The following BSDC1 variants were observed in gnomAD, a reference collection of about 807,000 sequenced individuals.
BSDC1 encodes the protein BSD domain-containing protein 1.
In BSDC1, 29 loss-of-function variants were observed where a neutral mutation model predicts 56.0. That is an observed-to-expected ratio of 0.52 (90% CI 0.39 to 0.71). BSDC1 has a LOEUF of 0.71. Ranked by LOEUF, BSDC1 falls within the 30% of genes least tolerant of loss-of-function variation. The pLI is 0.00. For synonymous variants in BSDC1, 210 were observed against 215.3 expected (o/e 0.98, Z 0.21); for missense variants, 477 against 548.5 (o/e 0.87, Z 1.30).
At chr1:32,373,033 A>T (rs1642148915) in intron 9 of BSDC1, among the ~76,000 whole-genome samples, 1 of 152,212 alleles carries the variant, frequency 6.6e-6, no homozygotes, top group African/African-American at 2.4e-5. Flanking sequence ...GAACCAGTAA[A>T]ACCCTTTGGC....
At position 32,376,482 on chromosome 1, in the gene BSDC1, T is replaced by C; in HGVS notation, c.936A>G (p.Ala312=). The change falls in exon 9 of 11, where the codon GCA becomes GCG. Residue 312 remains alanine, a synonymous_variant. Transcript: ENST00000455895. ...PKDLSQKLLE[A]SLEEQGLAVD... is the part of the protein sequence containing the mutation. The stretch of plus-strand genomic sequence containing the variant: ...CAGCCAGGCCCTGTTCCTCCAAGGA[T>C]GCCTCTAGCAGCTTTTGGGACAGGT... 1.2e-6 allele frequency: 2 copies of C among 1,612,228 alleles called. No homozygotes were observed. The highest frequency in any genetic ancestry group is 1.7e-6 in the Non-Finnish European group (2 of 1,178,606).
intron 4 of BSDC1, 23 bp from the exon 5 acceptor site, chr1:32,381,291 A>G: frequency 6.2e-7 from 1 of 1,612,086 alleles, no homozygotes; most frequent in Non-Finnish European, 8.5e-7. Context: ...GAGAAGAGGA[A>G]AACAGAAATT....
chr1:32,374,706 C>A (rs145375722), intron 9 of BSDC1: 1 of 152,372 alleles, frequency 6.6e-6, no homozygotes, highest in Non-Finnish European at 1.5e-5. Flanking sequence ...CTCTCCTATA[C>A]GAGGCTTGTC....
At chr1:32,393,272 A>G (rs1642927809) in intron 2 of BSDC1, among the ~76,000 whole-genome samples, 2 of 152,206 alleles carry the variant, frequency 1.3e-5, no homozygotes, top group South Asian at 4.1e-4. Context: ...GCACAGCCAA[A>G]TATCACTCAT....
chr1:32,377,910 C>A, intron 8 of BSDC1, 60 bp downstream of exon 8: 1 of 1,524,962 alleles, frequency 6.6e-7, no homozygotes, highest in Non-Finnish European at 8.9e-7. Flanking sequence ...AGAGCATGGC[C>A]CAGCCCAGAG....
intron 4 of BSDC1, 105 bp from the exon 5 acceptor site, chr1:32,381,373 T>C (rs1642473466): frequency 1.3e-5 from 15 of 1,160,558 alleles, no homozygotes; most frequent in Non-Finnish European, 1.9e-5. Flanking sequence ...AGCTTCTCCC[T>C]TGTTGGCTGG....
chr1:32,392,209 G>A (rs1642889287), intron 2 of BSDC1, among the ~76,000 whole-genome samples: 1 of 152,158 alleles, frequency 6.6e-6, no homozygotes, highest in Admixed American at 6.5e-5. Flanking sequence ...GCACATGCCT[G>A]TAATCCCAGC....
chr1:32,366,363 TGAG>T lies in BSDC1; in HGVS notation c.*256_*258del, dbSNP rs998961629. ...AGCAGAAAAACACAGGCTCTTCTGG[TGAG>T]GAGGATAGGTTTCCTCTCCCTTGGG... On this transcript the variant is annotated 3_prime_UTR_variant, in exon 11 of 11. Coordinates refer to ENST00000455895, the MANE Select transcript of BSDC1 (RefSeq NM_018045.8). The T allele has an allele frequency of 1.0e-5, 7 of 676,412 alleles. No homozygotes were observed. The highest frequency in any genetic ancestry group is 2.4e-4 in the Middle Eastern group (1 of 4,248). 41.9% of individuals were successfully genotyped at this position (676,412 alleles called of 1,614,324 possible).
In BSDC1 at chr1:32,378,693, C is replaced by T; in HGVS notation, c.528+31G>A. 4 of 1,384,270 alleles carry T rather than the reference C, an allele frequency of 2.9e-6. No individual in the cohort carries two copies. The highest frequency in any genetic ancestry group is 3.8e-6 in the Non-Finnish European group (4 of 1,041,632). The allele number at this position is 1,384,270 out of a possible 1,614,324, so 85.7% of individuals were successfully genotyped here. ...ACCTCCCAACACCTCAAGCCTGGAGCTGGCTGAGGCCCTGCAGGCTGGGCC... is the reference window on the plus strand; with the variant it reads ...ACCTCCCAACACCTCAAGCCTGGAGTTGGCTGAGGCCCTGCAGGCTGGGCC... On this transcript the variant is annotated intron_variant, in intron 6 of 10. Transcript: ENST00000455895. This position sits in a 1 kb window ranked among gnomAD's most constrained non-coding sequence, Gnocchi z 5.2.
Position 32,365,213 on chromosome 1 carries a change from ATCTTTTTT to A in BSDC1, c.*1401_*1408del, listed in dbSNP as rs1377846376. 2 of 152,340 alleles carry A rather than the reference ATCTTTTTT, an allele frequency of 1.3e-5. No homozygotes were observed. The highest frequency in any genetic ancestry group is 4.8e-5 in the African/African-American group (2 of 41,580). The allele number at this position is 152,340 out of a possible 1,614,324, so 9.4% of individuals were successfully genotyped here. ...AATTATAAAACTAACAGCTGTTAGA[ATCTTTTTT>A]TCTTTTTTTCCTTTTTTCTTTTCCC... On this transcript the variant is annotated 3_prime_UTR_variant, in exon 11 of 11. Transcript: ENST00000455895.
intron 2 of BSDC1, among the ~76,000 whole-genome samples, chr1:32,389,178 T>C (rs1642780404): frequency 6.6e-6 from 1 of 152,046 alleles, no homozygotes; most frequent in African/African-American, 2.4e-5. Context: ...ATGGTCTCGA[T>C]CTCCTGACCT....
At chr1:32,373,821 C>T (rs140035151) in intron 9 of BSDC1, among the ~76,000 whole-genome samples, 3 of 152,316 alleles carry the variant, frequency 2.0e-5, no homozygotes, top group African/African-American at 7.2e-5. Flanking sequence ...CTGTGCCCAG[C>T]GGACTTTCTT....
At position 32,386,866 on chromosome 1, in the gene BSDC1, C is replaced by T; in HGVS notation, c.102G>A (p.Arg34=). 6.2e-7 allele frequency: 1 copy of T among 1,612,256 alleles called. No homozygotes were observed. Among genetic ancestry groups the T allele is most frequent in the Non-Finnish European group, 8.5e-7 (1 of 1,180,014 alleles). The change falls in exon 3 of 11, where the codon CGG becomes CGA. Residue 34 remains arginine (R), a synonymous_variant. Transcript: ENST00000455895. ...KSSEALEFMK[R]DLTEFTQVVQ... ...CCACCTGGGTAAACTCCGTCAGGTCCCGCTTCATAAACTCCAAGGCTTCAG... is the reference window on the plus strand; with the variant it reads ...CCACCTGGGTAAACTCCGTCAGGTCTCGCTTCATAAACTCCAAGGCTTCAG...
chr1:32,380,551 A>C (rs60901540), intron 5 of BSDC1, among the ~76,000 whole-genome samples: 12,411 of 152,016 alleles, frequency 0.082, 1,651 homozygotes, highest in African/African-American at 0.28. Flanking sequence ...GAGGCTGAGG[A>C]AAGAGAATTG....
At chr1:32,393,512 C>G (rs373091273) in intron 2 of BSDC1, 1 of 153,268 alleles carries the variant, frequency 6.5e-6, no homozygotes, top group African/African-American at 2.4e-5. Flanking sequence ...CTAACCAGAA[C>G]AGACAAGGTG....
intron 5 of BSDC1, 105 bp downstream of exon 5, chr1:32,381,109 A>G: frequency 2.8e-6 from 3 of 1,076,350 alleles, no homozygotes; most frequent in Non-Finnish European, 4.2e-6. Context: ...GTCTCCCTAC[A>G]TAGGGGGTGC....
chr1:32,371,882 C>T (rs951388918), intron 9 of BSDC1, among the ~76,000 whole-genome samples: 2 of 151,518 alleles, frequency 1.3e-5, no homozygotes, highest in Non-Finnish European at 2.9e-5. Context: ...TTGTTGGCTT[C>T]AGTCTATTTA....
At chr1:32,394,190 C>T in intron 1 of BSDC1, 50 bp from the exon 2 acceptor site, 1 of 1,588,018 alleles carries the variant, frequency 6.3e-7, no homozygotes, top group Non-Finnish European at 8.6e-7. Context: ...TTCCTGCCCG[C>T]CCAAGGATCC....
In BSDC1 at chr1:32,366,023, C is replaced by G. The variant is rs1641835758; in HGVS notation, c.*599G>C. 1 of 165,232 alleles carries G rather than the reference C, an allele frequency of 6.1e-6. No individual in the cohort carries two copies. Among genetic ancestry groups the G allele is most frequent in the Non-Finnish European group, 1.3e-5 (1 of 75,738 alleles). 10.2% of individuals were successfully genotyped at this position (165,232 alleles called of 1,614,324 possible). A position where few individuals can be genotyped will look rare whatever the true frequency, so the allele number is the denominator to read the frequency against. On this transcript the variant is annotated 3_prime_UTR_variant, in exon 11 of 11. Transcript: ENST00000455895. Reference sequence around the variant, plus strand: ...GGAAGGAGGTGGGTCAGGGTTTGGTCTCTGGATTCTGAACCCCAAAGGAGC... The same window carrying G: ...GGAAGGAGGTGGGTCAGGGTTTGGTGTCTGGATTCTGAACCCCAAAGGAGC...
Sources: allele counts gnomAD v4.1 joint callset (sites outside exome capture counted in the v4.1 genomes callset), GRCh38; gene constraint gnomAD v4.1.1; non-coding constraint Gnocchi (gnomAD v3.1); transcripts MANE v1.5; gene names NCBI Gene and HGNC (gene_info 2026-07-23, HGNC 2026-07-21).